NRXN3: variants seen among roughly 807,000 people sequenced by gnomAD.
The protein encoded by NRXN3 is neurexin III.
A neutral mutation model predicts 137.6 loss-of-function variants in NRXN3; 32 were observed. The ratio of observed to expected loss-of-function variants is 0.23; its 90% confidence interval spans 0.18 to 0.31. NRXN3 has a LOEUF of 0.31. Among genes scored for constraint, NRXN3 ranks in the 10% least tolerant of loss-of-function variants. The probability of loss-of-function intolerance (pLI) is 1.00; values close to 1 mark genes in which losing one functional copy is unlikely to be tolerated. For missense variants in NRXN3, 1,574 were observed against 2,062.5 expected (o/e 0.76, Z 4.59); for synonymous variants, 798 against 784.5 (o/e 1.02, Z -0.29).
At chr14:79,676,964 A>ATATTAAACTGTACAACT (rs1420859556) in intron 17 of NRXN3, among the ~76,000 whole-genome samples, 1 of 152,126 alleles carries the variant, frequency 6.6e-6, no homozygotes. Context: ...TAATCAGTAA[A>ATATTAAACTGTACAACT]TATTAAACTG....
At position 78,645,409 on chromosome 14, in the gene NRXN3, C is replaced by T. The variant is rs375875361; in HGVS notation, c.1047C>T (p.Arg349=). ...DNAWHDVKVT[R]NLRQVTISVD... is the part of the protein sequence containing the mutation. ...CCTGGCATGATGTCAAAGTGACACG[C>T]AACCTCCGGCAGGTAATGGCTGAGG... is the stretch of plus-strand genomic sequence containing the variant. The change falls in exon 5 of 21, where the codon CGC becomes CGT. Residue 349 remains arginine, a synonymous_variant. Coordinates refer to ENST00000335750, the MANE Select transcript of NRXN3 (RefSeq NM_001330195.2). 6.3e-7 allele frequency: 1 copy of T among 1,584,924 alleles called. No homozygotes were observed. Among genetic ancestry groups the T allele is most frequent in the Non-Finnish European group, 8.5e-7 (1 of 1,170,632 alleles).
intron 15 of NRXN3, among the ~76,000 whole-genome samples, chr14:79,288,795 T>G (rs574666661): frequency 6.6e-6 from 1 of 152,336 alleles, no homozygotes; most frequent in South Asian, 2.1e-4. Context: ...TTCCAATTCC[T>G]AATAAGTATT....
chr14:79,633,695 A>G (rs556946630), intron 16 of NRXN3, among the ~76,000 whole-genome samples: 9 of 152,330 alleles, frequency 5.9e-5, no homozygotes, highest in Admixed American at 2.0e-4. Flanking sequence ...GAGACACATA[A>G]TAAGACTCTC....
At chr14:78,566,030 C>G (rs1032353190) in intron 4 of NRXN3, among the ~76,000 whole-genome samples, 2 of 152,150 alleles carry the variant, frequency 1.3e-5, no homozygotes, top group Non-Finnish European at 2.9e-5. Context: ...TTGCTTCCTC[C>G]CCACACTGGC....
In NRXN3 at chr14:79,639,109, G is replaced by A. The variant is rs138058017; in HGVS notation, c.3445-24669G>A. Among the ~76,000 whole-genome samples the A allele has an allele frequency of 6.5e-3, 984 of 152,022 alleles. 4 individuals are homozygous for A. Among genetic ancestry groups the A allele is most frequent in the South Asian group, 0.027 (131 of 4,816 alleles). ...CCTCTCCGTCTTACCCACACCTAGA[G>A]ATATGTGTGCACACATCCAAAGAGA... On this transcript the variant is annotated intron_variant, in intron 16 of 20. Coordinates refer to ENST00000335750, the MANE Select transcript of NRXN3 (RefSeq NM_001330195.2).
intron 20 of NRXN3, among the ~76,000 whole-genome samples, chr14:79,821,204 C>CT (rs1300654556): frequency 6.6e-6 from 1 of 152,108 alleles, no homozygotes; most frequent in Non-Finnish European, 1.5e-5. Context: ...CTGACAAGGA[C>CT]TTTTTTCTCC....
chr14:79,827,807 G>A (rs1306917187), intron 20 of NRXN3, among the ~76,000 whole-genome samples: 1 of 150,896 alleles, frequency 6.6e-6, no homozygotes, highest in East Asian at 2.0e-4. Flanking sequence ...CAATTCTCCT[G>A]CCTCAGCCTC....
chr14:78,776,495 A>G (rs573095778), intron 8 of NRXN3, among the ~76,000 whole-genome samples: 10 of 152,344 alleles, frequency 6.6e-5, no homozygotes, highest in East Asian at 1.9e-4. Context: ...GAAGAAATTT[A>G]TAGGTCAGTG....
chr14:79,033,446 G>A (rs1321067698), intron 15 of NRXN3, among the ~76,000 whole-genome samples: 2 of 152,038 alleles, frequency 1.3e-5, no homozygotes, highest in Admixed American at 6.6e-5. Flanking sequence ...CATGTTAGAG[G>A]CTTATGTGTT....
chr14:78,195,424 C>A (rs542267750), intron 1 of NRXN3, among the ~76,000 whole-genome samples: 1 of 152,300 alleles, frequency 6.6e-6, no homozygotes, highest in South Asian at 2.1e-4. Flanking sequence ...ATCAGGCTTT[C>A]TGCTTTCATA....
At chr14:79,255,981 T>C (rs2076516863) in intron 15 of NRXN3, among the ~76,000 whole-genome samples, 2 of 152,168 alleles carry the variant, frequency 1.3e-5, no homozygotes, top group Admixed American at 6.5e-5. Context: ...TCCATGATAA[T>C]CCTATATCCA....
intron 6 of NRXN3, among the ~76,000 whole-genome samples, chr14:78,693,223 T>C (rs926793899): frequency 2.0e-5 from 3 of 152,044 alleles, no homozygotes; most frequent in Non-Finnish European, 2.9e-5. Context: ...CAGGACAGCA[T>C]TCCCACAGTC....
chr14:79,551,602 G>T (rs915443720), intron 16 of NRXN3, among the ~76,000 whole-genome samples: 1 of 152,042 alleles, frequency 6.6e-6, no homozygotes, highest in Non-Finnish European at 1.5e-5. Context: ...AGGAACCTAG[G>T]GTGCAGCTTG....
intron 4 of NRXN3, among the ~76,000 whole-genome samples, chr14:78,497,287 A>G (rs1198582644): frequency 6.6e-6 from 1 of 152,174 alleles, no homozygotes; most frequent in Admixed American, 6.6e-5. Flanking sequence ...ATATAGCCAC[A>G]AACATAATTG....
At chr14:78,387,489 T>C (rs1470135187) in intron 4 of NRXN3, among the ~76,000 whole-genome samples, 1 of 152,162 alleles carries the variant, frequency 6.6e-6, no homozygotes, top group Non-Finnish European at 1.5e-5. Context: ...CTGCCCTACA[T>C]CCTGAAGGGG....
intron 15 of NRXN3, among the ~76,000 whole-genome samples, chr14:79,256,209 C>G (rs1230694210): frequency 6.6e-6 from 1 of 151,732 alleles, no homozygotes; most frequent in Non-Finnish European, 1.5e-5. Flanking sequence ...ACACACACCC[C>G]CCAGAAGAGC....
At chr14:78,747,585 A>T (rs1460518164) in intron 8 of NRXN3, among the ~76,000 whole-genome samples, 4 of 152,106 alleles carry the variant, frequency 2.6e-5, no homozygotes, top group African/African-American at 9.7e-5. Flanking sequence ...TTCTTATTTG[A>T]ACTAAGAACC....
intron 1 of NRXN3, among the ~76,000 whole-genome samples, chr14:78,216,014 A>C (rs2063238474): frequency 6.6e-6 from 1 of 152,236 alleles, no homozygotes; most frequent in Non-Finnish European, 1.5e-5. Context: ...ATCAAAGAGG[A>C]AACAGAGGAG....
intron 10 of NRXN3, among the ~76,000 whole-genome samples, chr14:78,822,693 C>A (rs1458701989): frequency 6.8e-6 from 1 of 146,044 alleles, no homozygotes; most frequent in South Asian, 2.2e-4. Context: ...AAACAAACAA[C>A]CAACAACAAA....
Sources: allele counts gnomAD v4.1 joint callset (sites outside exome capture counted in the v4.1 genomes callset), GRCh38; gene constraint gnomAD v4.1.1; transcripts MANE v1.5; gene names NCBI Gene and HGNC (gene_info 2026-07-23, HGNC 2026-07-21).